Variants in TGIF2 observed in about 807,000 individuals in gnomAD.
The protein encoded by TGIF2 is TGFB induced factor homeobox 2, also known as homeobox protein TGIF2.
TGIF2 carries 5 observed loss-of-function variants against 15.1 expected under a neutral mutation model. The observed-to-expected ratio is 0.33, with a 90% CI of 0.17 to 0.70. TGIF2 has a LOEUF of 0.70. Among genes scored for constraint, TGIF2 ranks in the 30% least tolerant of loss-of-function variants. The pLI is 0.67. For synonymous variants in TGIF2, 131 were observed against 128.9 expected (o/e 1.02, Z -0.11); for missense variants, 264 against 302.5 (o/e 0.87, Z 0.94).
At position 36,591,583 on chromosome 20, in the gene TGIF2, G is replaced by A. The variant is rs778459047; in HGVS notation, c.*152G>A. 1.6e-5 allele frequency: 13 copies of A among 831,626 alleles called. No homozygotes were observed. Among genetic ancestry groups the A allele is most frequent in the South Asian group, 1.1e-4 (6 of 54,038 alleles). The allele number at this position is 831,626 out of a possible 1,614,324, so 51.5% of individuals were successfully genotyped here. ...GTCTTCAACAGGAAGATGCCAGCTG[G>A]CACCACTGCACTGTGATGGGGGCCC... On this transcript the variant is annotated 3_prime_UTR_variant, in exon 3 of 3. Transcript: ENST00000373872. This position sits in a 1 kb window ranked among gnomAD's most constrained non-coding sequence, Gnocchi z 5.3.
At chr20:36,575,560 G>A (rs1341458351) in intron 1 of TGIF2, among the ~76,000 whole-genome samples, 2 of 152,196 alleles carry the variant, frequency 1.3e-5, no homozygotes, top group Admixed American at 6.5e-5. Context: ...GCTCTCTGAG[G>A]AGTGGCACGT....
rs1242943454 is a variant in TGIF2, at chr20:36,578,944, A to G, written c.170A>G (p.Gln57Arg). 8.7e-6 allele frequency: 14 copies of G among 1,613,794 alleles called. No homozygotes were observed. Among genetic ancestry groups the G allele is most frequent in the South Asian group, 5.5e-5 (5 of 91,056 alleles). Residue 57 changes from glutamine to arginine, a missense_variant, in exon 2 of 3, where the codon CAG becomes CGG. Transcript: ENST00000373872. ...CAGGAGAAGCTGAGCCTTTCTGGAC[A>G]GACCAACCTGTCAGTGCTGCAAGTA... Reference protein sequence around the residue: ...SEQEKLSLSGQTNLSVLQICN... With the variant: ...SEQEKLSLSGRTNLSVLQICN...
At chr20:36,581,894 G>T (rs1319060750) in intron 2 of TGIF2, among the ~76,000 whole-genome samples, 1 of 152,170 alleles carries the variant, frequency 6.6e-6, no homozygotes, top group Non-Finnish European at 1.5e-5. Context: ...CTCCCAAAGT[G>T]CTGGGATTAC....
In TGIF2 at chr20:36,592,784, AT is replaced by A. The variant is rs1189440983; in HGVS notation, c.*1359del. On this transcript the variant is annotated 3_prime_UTR_variant, in exon 3 of 3. Coordinates refer to ENST00000373872, the MANE Select transcript of TGIF2 (RefSeq NM_021809.7). ...GGTCTTATGCTCCTCCCTTTCCCCC[AT>A]TTTTTCTTTTGCTGTTTTGTTTTTT... is the stretch of plus-strand genomic sequence containing the variant. 15 of 154,660 alleles carry A rather than the reference AT, an allele frequency of 9.7e-5. No individual in the cohort carries two copies. The East Asian group carries it at 2.5e-3, about 25-fold the overall frequency. 9.6% of individuals were successfully genotyped at this position (154,660 alleles called of 1,614,324 possible). A position where few individuals can be genotyped will look rare whatever the true frequency, so the allele number is the denominator to read the frequency against.
intron 2 of TGIF2, among the ~76,000 whole-genome samples, chr20:36,579,436 G>T (rs1375449211): frequency 6.6e-6 from 1 of 152,200 alleles, no homozygotes; most frequent in Admixed American, 6.5e-5. Flanking sequence ...CTCCCAAAGT[G>T]CTGGGATTAC....
chr20:36,589,705 T>C (rs2038730597), intron 2 of TGIF2, among the ~76,000 whole-genome samples: 1 of 151,908 alleles, frequency 6.6e-6, no homozygotes, highest in Non-Finnish European at 1.5e-5. Context: ...TTTTTTTTCT[T>C]TGAGACAAGG....
At position 36,578,908 on chromosome 20, in the gene TGIF2, AC is replaced by A; in HGVS notation, c.138del (p.Ser47GlnfsTer6). On this transcript the variant is annotated frameshift_variant, in exon 2 of 3. Transcript: ENST00000373872. LOFTEE classifies it high-confidence loss of function. The stretch of plus-strand genomic sequence containing the variant: ...CTGTACTTGCACCGCTACAACGCCT[AC>A]CCCTCAGAGCAGGAGAAGCTGAGCC... ...DWLYLHRYNA[Y>X]PSEQEKLSLS... The A allele has an allele frequency of 6.2e-7, 1 of 1,614,122 alleles. No individual in the cohort carries two copies. The highest frequency in any genetic ancestry group is 1.1e-5 in the South Asian group (1 of 91,086).
At chr20:36,582,140 C>T (rs138141396) in intron 2 of TGIF2, among the ~76,000 whole-genome samples, 13 of 152,194 alleles carry the variant, frequency 8.5e-5, no homozygotes, top group Non-Finnish European at 1.8e-4. Context: ...GAGGCTGAGG[C>T]AGGAGAATCA....
At chr20:36,582,753 A>G (rs528941881) in intron 2 of TGIF2, among the ~76,000 whole-genome samples, 1 of 152,340 alleles carries the variant, frequency 6.6e-6, no homozygotes, top group South Asian at 2.1e-4. Context: ...AGTTAAGAGC[A>G]GTGGGGACCA....
chr20:36,573,672 G>T lies in TGIF2; in HGVS notation c.-108G>T, dbSNP rs2038346793. The T allele has an allele frequency of 6.6e-6, 1 of 151,742 alleles. No homozygotes were observed. Among genetic ancestry groups the T allele is most frequent in the African/African-American group, 2.4e-5 (1 of 41,320 alleles). 9.4% of individuals were successfully genotyped at this position (151,742 alleles called of 1,614,324 possible). A position where few individuals can be genotyped will look rare whatever the true frequency, so the allele number is the denominator to read the frequency against. ...GGGCAGGTACGCGGCGCGCGCCCCC[G>T]GCGCCCCCCGCTCCCCGCCGGGACG... On this transcript the variant is annotated 5_prime_UTR_variant, in exon 1 of 3. Coordinates refer to ENST00000373872, the MANE Select transcript of TGIF2 (RefSeq NM_021809.7).
In TGIF2 at chr20:36,579,078, C is replaced by G. The variant is rs1207762591; in HGVS notation, c.192+112C>G. The G allele has an allele frequency of 3.6e-6, 5 of 1,399,350 alleles. 1 individual carries two copies. In the South Asian group the frequency reaches 7.3e-5, roughly 20 times the overall value. The allele number at this position is 1,399,350 out of a possible 1,614,324, so 86.7% of individuals were successfully genotyped here. ...GGGCCACTCACTTTCACTGTCTGGG[C>G]TTCGGTTTCTTCTTGGGTTAGGGGA... is the stretch of plus-strand genomic sequence containing the variant. On this transcript the variant is annotated intron_variant, in intron 2 of 2. Transcript: ENST00000373872.
chr20:36,587,998 A>G (rs903034639), intron 2 of TGIF2, among the ~76,000 whole-genome samples: 46 of 151,686 alleles, frequency 3.0e-4, no homozygotes, highest in African/African-American at 1.1e-3. Flanking sequence ...TAAACCCAGG[A>G]GGTCAAGGCT....
rs1826811302 is a variant in TGIF2, at chr20:36,590,894, T to C, written c.193-16T>C. On this transcript the variant is annotated splice_polypyrimidine_tract_variant and intron_variant, in intron 2 of 2. Coordinates refer to ENST00000373872, the MANE Select transcript of TGIF2 (RefSeq NM_021809.7). ...TTAGATTAAGCAAATTGATCGGTCT[T>C]GTATATTCATTCCAGATATGTAACT... 3 of 1,512,956 alleles carry C rather than the reference T, an allele frequency of 2.0e-6. No individual in the cohort carries two copies. The highest frequency in any genetic ancestry group is 2.2e-5 in the Admixed American group (1 of 44,724). The allele number at this position is 1,512,956 out of a possible 1,614,324, so 93.7% of individuals were successfully genotyped here.
chr20:36,579,354 G>A (rs1449041639), intron 2 of TGIF2, among the ~76,000 whole-genome samples: 1 of 151,906 alleles, frequency 6.6e-6, no homozygotes, highest in Non-Finnish European at 1.5e-5. Context: ...TGTATTTTTA[G>A]TAGAGACAGG....
chr20:36,574,312 G>C (rs1230803133), intron 1 of TGIF2, among the ~76,000 whole-genome samples: 1 of 151,928 alleles, frequency 6.6e-6, no homozygotes, highest in Non-Finnish European at 1.5e-5. Context: ...GCGTGGGGCC[G>C]GCGCCCCGGA....
chr20:36,587,712 A>G (rs1288076758), intron 2 of TGIF2, among the ~76,000 whole-genome samples: 2 of 152,086 alleles, frequency 1.3e-5, no homozygotes, highest in African/African-American at 2.4e-5. Flanking sequence ...TTCAAGGGAG[A>G]TCATCATATA....
intron 2 of TGIF2, among the ~76,000 whole-genome samples, chr20:36,581,829 A>G (rs1014022089): frequency 2.0e-5 from 3 of 152,114 alleles, no homozygotes; most frequent in African/African-American, 7.2e-5. Context: ...GGGCTTCACT[A>G]TGCTAGCCAG....
intron 2 of TGIF2, among the ~76,000 whole-genome samples, chr20:36,582,422 TA>T (rs2147928755): frequency 6.6e-6 from 1 of 152,270 alleles, no homozygotes; most frequent in Non-Finnish European, 1.5e-5. Context: ...CCAAAGTAGA[TA>T]AATGTAAAAA....
chr20:36,586,704 A>C (rs201239281), intron 2 of TGIF2, among the ~76,000 whole-genome samples: 2,868 of 46,998 alleles, frequency 0.061, 97 homozygotes, highest in African/African-American at 0.15. Flanking sequence ...CCCCCCCCCC[A>C]AAAAAAAAAA....
Sources: gnomAD v4.1 joint callset for allele counts (sites outside exome capture counted in the v4.1 genomes callset) on GRCh38, gnomAD v4.1.1 for gene constraint, Gnocchi (gnomAD v3.1) non-coding constraint, MANE v1.5 for transcripts, NCBI Gene and HGNC (gene_info 2026-07-23, HGNC 2026-07-21) for gene names.